The following ASTN2 variants were observed in gnomAD, a reference collection of about 807,000 sequenced individuals.
ASTN2 encodes astrotactin-2.
In ASTN2, 54 loss-of-function variants were observed where a neutral mutation model predicts 139.8. The observed-to-expected ratio is 0.39, with a 90% CI of 0.31 to 0.48. The LOEUF (loss-of-function observed/expected upper bound fraction) is 0.48, where lower values mean the gene tolerates loss of function less well. Ranked by LOEUF, ASTN2 falls within the 20% of genes least tolerant of loss-of-function variation. The pLI is 0.95. For synonymous variants in ASTN2, 756 were observed against 719.5 expected, an observed-to-expected ratio of 1.05 and a Z score of -0.81; for missense variants, 1,565 against 1,725.1, an observed-to-expected ratio of 0.91 and a Z score of 1.64.
intron 20 of ASTN2, among the ~76,000 whole-genome samples, chr9:116,458,916 T>A (rs1036949409): frequency 2.3e-4 from 35 of 151,870 alleles, no homozygotes; most frequent in South Asian, 8.3e-4. Context: ...CTCCTAAAAT[T>A]CACATGGAAA....
At chr9:116,706,551 C>T (rs1827992299) in intron 16 of ASTN2, among the ~76,000 whole-genome samples, 2 of 152,004 alleles carry the variant, frequency 1.3e-5, no homozygotes, top group South Asian at 4.1e-4. Context: ...GTAAAAGCCT[C>T]GTGTGAGTGA....
chr9:117,283,213 T>C (rs1308863641), intron 2 of ASTN2, among the ~76,000 whole-genome samples: 1 of 152,136 alleles, frequency 6.6e-6, no homozygotes, highest in East Asian at 1.9e-4. Flanking sequence ...CTCTAAATGT[T>C]GTGAAAAATA....
chr9:117,088,710 A>G (rs1233043210), intron 5 of ASTN2, among the ~76,000 whole-genome samples: 1 of 152,226 alleles, frequency 6.6e-6, no homozygotes, highest in Non-Finnish European at 1.5e-5. Context: ...CTGCTGGAGA[A>G]CTAAGCAGCA....
intron 3 of ASTN2, among the ~76,000 whole-genome samples, chr9:117,186,397 A>G (rs957819714): frequency 1.3e-5 from 2 of 151,658 alleles, no homozygotes; most frequent in Admixed American, 6.6e-5. Context: ...AATACAAAAA[A>G]TTAGCCGGGT....
intron 17 of ASTN2, among the ~76,000 whole-genome samples, chr9:116,631,421 G>T (rs1856739194): frequency 1.3e-5 from 2 of 152,176 alleles, no homozygotes; most frequent in Admixed American, 6.5e-5. Context: ...ACAGCCACAG[G>T]AATAGAACTG....
chr9:117,008,303 G>C (rs761309243), intron 6 of ASTN2, 44 bp from the exon 7 acceptor site: 3 of 1,505,382 alleles, frequency 2.0e-6, no homozygotes, highest in Non-Finnish European at 2.7e-6. Context: ...CTGATTTTAA[G>C]GTCTTAGCTG....
chr9:117,312,920 GC>G lies in ASTN2; in HGVS notation c.443-21408del, dbSNP rs530018399. Among the ~76,000 whole-genome samples, 106 of 152,266 alleles carry G rather than the reference GC, an allele frequency of 7.0e-4. 1 individual carries two copies. Among genetic ancestry groups the G allele is most frequent in the African/African-American group, 2.3e-3 (95 of 41,550 alleles). ...GAAAATGCATCAAGGCCATGTGGGT[GC>G]CCCTGCCTGTCTCAGTGATATCTCA... On this transcript the variant is annotated intron_variant, in intron 1 of 22. Coordinates refer to ENST00000313400, the MANE Select transcript of ASTN2 (RefSeq NM_001365068.1).
intron 10 of ASTN2, among the ~76,000 whole-genome samples, chr9:116,966,067 G>A (rs1588446177): frequency 6.6e-6 from 1 of 152,096 alleles, no homozygotes; most frequent in Non-Finnish European, 1.5e-5. Flanking sequence ...CCCCAGCCCA[G>A]TATACATGCC....
intron 3 of ASTN2, among the ~76,000 whole-genome samples, chr9:117,150,850 C>T (rs768094563): frequency 3.9e-5 from 6 of 152,006 alleles, no homozygotes; most frequent in African/African-American, 1.2e-4. Flanking sequence ...GTGCATATCA[C>T]CACGCCTGGA....
chr9:116,502,730 GGAATGAAT>G (rs141207691), intron 19 of ASTN2, among the ~76,000 whole-genome samples: 271 of 21,254 alleles, frequency 0.013, 15 homozygotes, highest in Admixed American at 0.043. Flanking sequence ...AAGGAAGGAA[GGAATGAAT>G]GAATGAATGA....
At chr9:117,109,197 G>T (rs1053746246) in intron 4 of ASTN2, among the ~76,000 whole-genome samples, 2 of 151,938 alleles carry the variant, frequency 1.3e-5, no homozygotes, top group African/African-American at 2.4e-5. Flanking sequence ...CAGGAAAATC[G>T]CTTGAACCTG....
At chr9:117,178,665 C>T (rs1193816864) in intron 3 of ASTN2, among the ~76,000 whole-genome samples, 1 of 152,178 alleles carries the variant, frequency 6.6e-6, no homozygotes, top group African/African-American at 2.4e-5. Context: ...GGAATTCTGG[C>T]CTGCCTATCC....
intron 11 of ASTN2, among the ~76,000 whole-genome samples, chr9:116,861,214 TA>T (rs1832870773): frequency 7.0e-6 from 1 of 143,660 alleles, no homozygotes; most frequent in Non-Finnish European, 1.5e-5. Context: ...AAGCCCAAGC[TA>T]CACACACACA....
At chr9:116,522,379 T>C (rs1402276392) in intron 19 of ASTN2, among the ~76,000 whole-genome samples, 2 of 152,090 alleles carry the variant, frequency 1.3e-5, no homozygotes, top group African/African-American at 2.4e-5. Context: ...TTGGATGGAA[T>C]TGGAGACTAT....
chr9:116,933,534 G>A (rs1834971998), intron 10 of ASTN2, among the ~76,000 whole-genome samples: 1 of 152,084 alleles, frequency 6.6e-6, no homozygotes, highest in African/African-American at 2.4e-5. Flanking sequence ...TTAAACTACA[G>A]CATTCATTTC....
At chr9:116,732,814 C>G (rs1454527756) in intron 14 of ASTN2, among the ~76,000 whole-genome samples, 1 of 152,082 alleles carries the variant, frequency 6.6e-6, no homozygotes, top group East Asian at 1.9e-4. Flanking sequence ...GCTACAGCAC[C>G]CAGGTTTTAG....
In ASTN2 at chr9:116,698,206, G is replaced by C. The variant is rs777914761; in HGVS notation, c.2806+27565C>G. The C allele has an allele frequency of 2.5e-6, 4 of 1,614,036 alleles. No individual in the cohort carries two copies. The African/African-American group carries it at 4.0e-5, about 16-fold the overall frequency. Reference sequence around the variant, plus strand: ...CGGGACTTTGGAGAGAAGTTAACTCGTCTGCGGGAACTTATGGGGGAGCTG... The same window carrying C: ...CGGGACTTTGGAGAGAAGTTAACTCCTCTGCGGGAACTTATGGGGGAGCTG... On this transcript the variant is annotated intron_variant, in intron 16 of 22. Coordinates refer to ENST00000313400, the MANE Select transcript of ASTN2 (RefSeq NM_001365068.1). This position sits in a 1 kb window ranked among gnomAD's most constrained non-coding sequence, Gnocchi z 4.4.
intron 10 of ASTN2, among the ~76,000 whole-genome samples, chr9:116,905,506 A>C (rs1834130848): frequency 6.6e-6 from 1 of 152,192 alleles, no homozygotes; most frequent in African/African-American, 2.4e-5. Context: ...CAGGCAGGAA[A>C]GACCAGGTCG....
chr9:116,699,963 T>G lies in ASTN2; in HGVS notation c.2806+25808A>C. 4 of 579,014 alleles carry G rather than the reference T, an allele frequency of 6.9e-6. No individual in the cohort carries two copies. The highest frequency in any genetic ancestry group is 1.2e-5 in the Non-Finnish European group (4 of 320,268). 35.9% of individuals were successfully genotyped at this position (579,014 alleles called of 1,614,324 possible). On this transcript the variant is annotated intron_variant, in intron 16 of 22. Transcript: ENST00000313400. This position sits in a 1 kb window ranked among gnomAD's most constrained non-coding sequence, Gnocchi z 4.2. Reference sequence around the variant, plus strand: ...GTGTTAGCTGAAGTTTGATTAGCAATTAGGCACTTCCAAGGCTTTAGTAGA... The same window carrying G: ...GTGTTAGCTGAAGTTTGATTAGCAAGTAGGCACTTCCAAGGCTTTAGTAGA...
Sources: allele counts gnomAD v4.1 joint callset (sites outside exome capture counted in the v4.1 genomes callset), GRCh38; gene constraint gnomAD v4.1.1; non-coding constraint Gnocchi (gnomAD v3.1); transcripts MANE v1.5; gene names NCBI Gene and HGNC (gene_info 2026-07-23, HGNC 2026-07-21).